ZBTB7C: variants seen among roughly 807,000 people sequenced by gnomAD.
ZBTB7C encodes the protein zinc finger and BTB domain containing 7C.
A neutral mutation model predicts 25.7 loss-of-function variants in ZBTB7C; 8 were observed. That is an observed-to-expected ratio of 0.31 (90% CI 0.18 to 0.56). The LOEUF is 0.56. Among genes scored for constraint, ZBTB7C ranks in the 20% least tolerant of loss-of-function variants. The probability of loss-of-function intolerance (pLI) is 0.91; values close to 1 mark genes in which losing one functional copy is unlikely to be tolerated. For synonymous variants in ZBTB7C, 394 were observed against 369.0 expected, an observed-to-expected ratio of 1.07 and a Z score of -0.78; for missense variants, 824 against 855.2, an observed-to-expected ratio of 0.96 and a Z score of 0.46.
chr18:48,084,401 A>G (rs1034443619), intron 3 of ZBTB7C, among the ~76,000 whole-genome samples: 1 of 152,136 alleles, frequency 6.6e-6, no homozygotes, highest in Non-Finnish European at 1.5e-5. Flanking sequence ...CACTTGTCAT[A>G]TTAGGAAGCG....
intron 3 of ZBTB7C, among the ~76,000 whole-genome samples, chr18:48,184,822 TC>T (rs2042016551): frequency 2.4e-4 from 1 of 4,212 alleles, no homozygotes; most frequent in Non-Finnish European, 5.0e-4. Context: ...GAGAATTTTC[TC>T]TCTCTCTCTC....
At chr18:48,121,910 C>T (rs574069953) in intron 3 of ZBTB7C, among the ~76,000 whole-genome samples, 3 of 152,110 alleles carry the variant, frequency 2.0e-5, no homozygotes, top group Non-Finnish European at 2.9e-5. Context: ...GTGTTCTCAC[C>T]AAGCAGCAGC....
chr18:48,185,366 T>A (rs753137426), intron 3 of ZBTB7C: 6 of 440,316 alleles, frequency 1.4e-5, no homozygotes, highest in Admixed American at 2.5e-5. Flanking sequence ...TGTCTTCTCT[T>A]CCTGAACTGG....
intron 2 of ZBTB7C, among the ~76,000 whole-genome samples, chr18:48,214,311 A>G (rs981951491): frequency 7.6e-4 from 116 of 152,296 alleles, no homozygotes; most frequent in African/African-American, 2.6e-3. Context: ...CCCTCCTCCC[A>G]GCCATGGGCA....
intron 1 of ZBTB7C, among the ~76,000 whole-genome samples, chr18:48,343,313 T>G (rs1490880485): frequency 1.3e-5 from 2 of 152,106 alleles, no homozygotes; most frequent in African/African-American, 4.8e-5. Flanking sequence ...AGGAAAAACA[T>G]CTAAGATTTG....
intron 2 of ZBTB7C, among the ~76,000 whole-genome samples, chr18:48,273,567 T>C (rs147357537): frequency 1.1e-3 from 170 of 152,256 alleles, no homozygotes; most frequent in Non-Finnish European, 2.3e-3. Flanking sequence ...ATAGTTATTA[T>C]ATTTTAGAAG....
At chr18:48,113,215 A>C (rs2039307696) in intron 3 of ZBTB7C, among the ~76,000 whole-genome samples, 1 of 152,216 alleles carries the variant, frequency 6.6e-6, no homozygotes, top group South Asian at 2.1e-4. Context: ...CATCCATGAC[A>C]CCAACTAACT....
rs1317022647 is a variant in ZBTB7C, at chr18:48,179,783, T to TCTCC, written c.-17+6147_-17+6150dup. ...ACTGCAAGGAAGATATTTCTCCTTC[T>TCTCC]CTCCCTCCCTCCCTTCCTTCCTTAT... On this transcript the variant is annotated intron_variant, in intron 3 of 4. Transcript: ENST00000590800. Among the ~76,000 whole-genome samples the TCTCC allele has an allele frequency of 4.5e-4, 46 of 101,210 alleles. 1 individual carries two copies. The Admixed American group carries it at 5.2e-3, about 11-fold the overall frequency. 66.4% of individuals were successfully genotyped at this position (101,210 alleles called of 152,430 possible).
At chr18:48,139,378 T>C (rs950651998) in intron 3 of ZBTB7C, among the ~76,000 whole-genome samples, 6 of 152,054 alleles carry the variant, frequency 3.9e-5, no homozygotes, top group Admixed American at 2.0e-4. Context: ...CAAACCCAGC[T>C]GGAGCGGGAT....
chr18:48,359,969 T>C (rs2047065421), intron 1 of ZBTB7C, among the ~76,000 whole-genome samples: 1 of 152,174 alleles, frequency 6.6e-6, no homozygotes. Context: ...TTGTTCTGGT[T>C]GCTTCCATAG....
At chr18:48,240,497 C>T (rs1368844998) in intron 2 of ZBTB7C, among the ~76,000 whole-genome samples, 2 of 152,180 alleles carry the variant, frequency 1.3e-5, no homozygotes, top group Non-Finnish European at 2.9e-5. Flanking sequence ...CTGCAGATTT[C>T]TCAGCAGAAA....
intron 3 of ZBTB7C, among the ~76,000 whole-genome samples, chr18:48,086,856 A>G (rs1313226576): frequency 1.3e-5 from 2 of 152,236 alleles, no homozygotes; most frequent in African/African-American, 4.8e-5. Context: ...AATTTATTTA[A>G]TCGAACTCTG....
At chr18:48,099,394 T>C (rs951505667) in intron 3 of ZBTB7C, among the ~76,000 whole-genome samples, 2 of 152,208 alleles carry the variant, frequency 1.3e-5, no homozygotes, top group African/African-American at 4.8e-5. Flanking sequence ...GTGCTGAAAG[T>C]TACTGAAACA....
At chr18:48,294,929 G>A (rs1048566146) in intron 2 of ZBTB7C, among the ~76,000 whole-genome samples, 10 of 152,110 alleles carry the variant, frequency 6.6e-5, no homozygotes, top group South Asian at 2.1e-4. Flanking sequence ...ATTAGGAACC[G>A]TGAGCTCTGA....
At chr18:48,271,477 A>G (rs896684457) in intron 2 of ZBTB7C, among the ~76,000 whole-genome samples, 8 of 148,618 alleles carry the variant, frequency 5.4e-5, no homozygotes, top group African/African-American at 1.5e-4. Context: ...TATATGATAC[A>G]TAAATCAAAT....
rs1433537117 is a variant in ZBTB7C, at chr18:48,365,225, C to T, written c.-303-26827G>A. On this transcript the variant is annotated intron_variant, in intron 1 of 4. Coordinates refer to ENST00000590800, the MANE Select transcript of ZBTB7C (RefSeq NM_001318841.2). ...CAGTTCTGCAGGGATTACACTGGTG[C>T]TTTCATTATTTCACTCATGTGGAAG... Among the ~76,000 whole-genome samples, 6 of 152,332 alleles carry T rather than the reference C, an allele frequency of 3.9e-5. No individual in the cohort carries two copies. The East Asian group carries it at 1.2e-3, about 29-fold the overall frequency.
chr18:48,279,478 A>G (rs976893252), intron 2 of ZBTB7C, among the ~76,000 whole-genome samples: 8 of 152,224 alleles, frequency 5.3e-5, no homozygotes, highest in Non-Finnish European at 7.3e-5. Context: ...ATCACCATGA[A>G]TCATGTCCAA....
chr18:48,271,344 A>G (rs1301475011), intron 2 of ZBTB7C, among the ~76,000 whole-genome samples: 1 of 152,088 alleles, frequency 6.6e-6, no homozygotes, highest in Non-Finnish European at 1.5e-5. Context: ...TCCTATTTTT[A>G]AAAGTCTCAA....
At chr18:48,408,687 A>G (rs940543000) in intron 1 of ZBTB7C, 1 of 152,166 alleles carries the variant, frequency 6.6e-6, no homozygotes, top group Non-Finnish European at 1.5e-5. Flanking sequence ...GTCACTCACC[A>G]AAACGCTCCC....
Sources: gnomAD v4.1 joint callset for allele counts (sites outside exome capture counted in the v4.1 genomes callset) on GRCh38, gnomAD v4.1.1 for gene constraint, MANE v1.5 for transcripts, NCBI Gene and HGNC (gene_info 2026-07-23, HGNC 2026-07-21) for gene names.